The following GALNT11 variants were observed in gnomAD, a reference collection of about 807,000 sequenced individuals.
GALNT11 encodes UDP-GalNAc:polypeptide N-acetylgalactosaminyltransferase 11.
GALNT11 carries 47 observed loss-of-function variants against 72.7 expected under a neutral mutation model. The ratio of observed to expected loss-of-function variants is 0.65; its 90% CI spans 0.51 to 0.82. The LOEUF is 0.82. Among genes scored for constraint, GALNT11 ranks in the 40% least tolerant of loss-of-function variants. GALNT11 has a pLI of 0.00. For synonymous variants in GALNT11, 270 were observed against 286.6 expected (o/e 0.94, Z 0.58); for missense variants, 677 against 778.4 (o/e 0.87, Z 1.55).
intron 1 of GALNT11, among the ~76,000 whole-genome samples, chr7:152,039,180 C>T (rs2082726606): frequency 6.6e-6 from 1 of 152,200 alleles, no homozygotes; most frequent in Admixed American, 6.5e-5. Context: ...TAAACATCCC[C>T]TAGGGGACCA....
At chr7:152,109,948 C>T (rs763216896) in intron 6 of GALNT11, among the ~76,000 whole-genome samples, 2 of 152,120 alleles carry the variant, frequency 1.3e-5, no homozygotes, top group Non-Finnish European at 2.9e-5. Context: ...ACATTTTGGG[C>T]CAGATAATTC....
chr7:152,048,322 A>AT (rs748644169), intron 1 of GALNT11, among the ~76,000 whole-genome samples: 2 of 150,378 alleles, frequency 1.3e-5, no homozygotes, highest in Admixed American at 6.6e-5. Context: ...TGCTTTTAGG[A>AT]TTTTTTCTTT....
At chr7:152,071,237 G>A (rs1408321095) in intron 1 of GALNT11, among the ~76,000 whole-genome samples, 1 of 152,212 alleles carries the variant, frequency 6.6e-6, no homozygotes, top group Non-Finnish European at 1.5e-5. Context: ...ATGGGAGACT[G>A]GGGTCTATTT....
chr7:152,112,560 G>A (rs1406583363), intron 7 of GALNT11, among the ~76,000 whole-genome samples: 9 of 151,512 alleles, frequency 5.9e-5, no homozygotes, highest in Non-Finnish European at 1.2e-4. Context: ...AAAAGAAAAA[G>A]CAGGTTTTCA....
At position 152,110,528 on chromosome 7, in the gene GALNT11, G is replaced by A. The variant is rs1464745494; in HGVS notation, c.963G>A (p.Lys321=). The A allele has an allele frequency of 1.2e-6, 2 of 1,611,204 alleles. No homozygotes were observed. Among genetic ancestry groups the A allele is most frequent in the South Asian group, 1.1e-5 (1 of 90,324 alleles). Residue 321 remains lysine, a splice_region_variant and synonymous_variant, in exon 7 of 12, where the codon AAG becomes AAA. Transcript: ENST00000430044. ...AGTACAGTAATTTTCCTTTTTCTAGGTCACCAACAATGGCTGGAGGTTTGT... is the reference window on the plus strand; with the variant it reads ...AGTACAGTAATTTTCCTTTTTCTAGATCACCAACAATGGCTGGAGGTTTGT... ...GRAEGATAPI[K]SPTMAGGLFA...
chr7:152,105,141 T>C lies in GALNT11; in HGVS notation c.587-104T>C, dbSNP rs2087393816. On this transcript the variant is annotated intron_variant, in intron 4 of 11. Coordinates refer to ENST00000430044, the MANE Select transcript of GALNT11 (RefSeq NM_022087.4). The stretch of plus-strand genomic sequence containing the variant: ...TATTCTGTAGTATTTGCTTGATAGT[T>C]TGTTGTAAATTTTAGCAAGTACTAG... 2.5e-6 allele frequency: 3 copies of C among 1,218,444 alleles called. No homozygotes were observed. In the South Asian group the frequency reaches 4.9e-5, roughly 20 times the overall value. The allele number at this position is 1,218,444 out of a possible 1,614,324, so 75.5% of individuals were successfully genotyped here.
chr7:152,075,687 T>G (rs910789457), intron 1 of GALNT11, among the ~76,000 whole-genome samples: 1 of 151,900 alleles, frequency 6.6e-6, no homozygotes, highest in Non-Finnish European at 1.5e-5. Flanking sequence ...TCCCAGCTCC[T>G]TGGGAGGCTG....
chr7:152,039,494 A>G (rs926078225), intron 1 of GALNT11, among the ~76,000 whole-genome samples: 3 of 152,186 alleles, frequency 2.0e-5, no homozygotes, highest in Non-Finnish European at 4.4e-5. Context: ...GATCACCGCT[A>G]TCATTAAATT....
intron 1 of GALNT11, among the ~76,000 whole-genome samples, chr7:152,036,156 A>G (rs1383644207): frequency 6.6e-6 from 1 of 152,188 alleles, no homozygotes. Context: ...TGTTGACTGT[A>G]GTCATGCTGT....
intron 1 of GALNT11, among the ~76,000 whole-genome samples, chr7:152,068,344 A>C (rs1396471136): frequency 1.3e-5 from 2 of 152,094 alleles, no homozygotes; most frequent in Non-Finnish European, 2.9e-5. Flanking sequence ...ATCTTTGTGT[A>C]GTTTGATAGT....
intron 1 of GALNT11, among the ~76,000 whole-genome samples, chr7:152,067,417 A>C (rs2084372236): frequency 6.6e-6 from 1 of 152,072 alleles, no homozygotes; most frequent in South Asian, 2.1e-4. Context: ...CCTGTTTACT[A>C]TTTAGTCATT....
At chr7:152,049,885 G>A (rs190019793) in intron 1 of GALNT11, among the ~76,000 whole-genome samples, 9 of 152,172 alleles carry the variant, frequency 5.9e-5, no homozygotes, top group African/African-American at 1.7e-4. Context: ...CCCCTTAGCT[G>A]CCACTGTCCT....
intron 1 of GALNT11, among the ~76,000 whole-genome samples, chr7:152,090,516 A>C (rs2085942501): frequency 6.6e-6 from 1 of 152,198 alleles, no homozygotes; most frequent in Non-Finnish European, 1.5e-5. Context: ...TGTAGTGTTC[A>C]TTTGCACATT....
At chr7:152,083,667 C>T (rs1336814324) in intron 1 of GALNT11, among the ~76,000 whole-genome samples, 1 of 152,032 alleles carries the variant, frequency 6.6e-6, no homozygotes, top group African/African-American at 2.4e-5. Context: ...CTATTCCCTG[C>T]TTATTTATTC....
intron 10 of GALNT11, chr7:152,120,579 G>A: frequency 2.4e-6 from 1 of 415,722 alleles, no homozygotes; most frequent in Non-Finnish European, 4.4e-6. Context: ...TTGGAAAAGA[G>A]TTAATTCAGT....
chr7:152,099,293 C>G (rs2086602137), intron 2 of GALNT11, among the ~76,000 whole-genome samples: 2 of 152,110 alleles, frequency 1.3e-5, no homozygotes, highest in African/African-American at 4.8e-5. Context: ...ATTCATAAAA[C>G]ATTCACTGTA....
At chr7:152,044,239 T>A (rs1303809170) in intron 1 of GALNT11, among the ~76,000 whole-genome samples, 1 of 152,242 alleles carries the variant, frequency 6.6e-6, no homozygotes, top group Non-Finnish European at 1.5e-5. Context: ...TAAGTATTCC[T>A]TACGGGAAAT....
At chr7:152,092,840 G>A (rs185222085) in intron 1 of GALNT11, among the ~76,000 whole-genome samples, 26 of 152,346 alleles carry the variant, frequency 1.7e-4, no homozygotes, top group African/African-American at 5.8e-4. Flanking sequence ...TCTGCCATAA[G>A]TCTGTTTACT....
intron 5 of GALNT11, among the ~76,000 whole-genome samples, chr7:152,106,139 AT>A (rs2087527670): frequency 6.6e-6 from 1 of 152,256 alleles, no homozygotes; most frequent in Non-Finnish European, 1.5e-5. Context: ...AAACTAATGA[AT>A]CTGTTTAAAA....
Sources: gnomAD v4.1 joint callset for allele counts (sites outside exome capture counted in the v4.1 genomes callset) on GRCh38, gnomAD v4.1.1 for gene constraint, MANE v1.5 for transcripts, NCBI Gene and HGNC (gene_info 2026-07-23, HGNC 2026-07-21) for gene names.